Variants in CCDC122 observed in about 807,000 individuals in gnomAD.
The protein encoded by CCDC122 is coiled-coil domain-containing protein 122.
Under a neutral mutation model 37.0 loss-of-function variants are expected in CCDC122, and 38 were observed. The observed-to-expected ratio is 1.03, with a 90% CI of 0.79 to 1.35. CCDC122 has a LOEUF of 1.35. Among genes scored for constraint, CCDC122 ranks in the 40% most tolerant of loss-of-function variants. The probability of loss-of-function intolerance (pLI) is 0.00; values close to 1 mark genes in which losing one functional copy is unlikely to be tolerated. For missense variants in CCDC122, 305 were observed against 310.0 expected, an observed-to-expected ratio of 0.98 and a Z score of 0.12; for synonymous variants, 83 against 95.6, an observed-to-expected ratio of 0.87 and a Z score of 0.77.
chr13:43,839,448 T>C (rs572993983), intron 6 of CCDC122, among the ~76,000 whole-genome samples: 2 of 152,352 alleles, frequency 1.3e-5, no homozygotes, highest in East Asian at 3.9e-4. Flanking sequence ...TGCCAAATAA[T>C]AGCACATTAT....
At chr13:43,830,107 C>T (rs1199235731) in intron 3 of CCDC122, among the ~76,000 whole-genome samples, 3 of 152,056 alleles carry the variant, frequency 2.0e-5, no homozygotes, top group African/African-American at 7.2e-5. Flanking sequence ...AACTCCTGAC[C>T]TCAGGTGATC....
Position 43,837,213 on chromosome 13 carries a change from TTTC to T in CCDC122, c.*64_*66del. The T allele has an allele frequency of 6.9e-7, 1 of 1,449,654 alleles. No homozygotes were observed. The highest frequency in any genetic ancestry group is 1.3e-5 in the South Asian group (1 of 75,160). The allele number at this position is 1,449,654 out of a possible 1,614,324, so 89.8% of individuals were successfully genotyped here. On this transcript the variant is annotated 3_prime_UTR_variant, in exon 7 of 7. Transcript: ENST00000444614. ...GCTTGTTATTAAGAATCCAAAAGAT[TTTC>T]TTAATGTTCTGTCCAGTAATTTTTG...
chr13:43,872,349 G>A (rs1462942773), intron 2 of CCDC122, among the ~76,000 whole-genome samples: 3 of 152,018 alleles, frequency 2.0e-5, no homozygotes, highest in Admixed American at 6.6e-5. Context: ...TTATACTCAA[G>A]TAGCTGAATA....
intron 4 of CCDC122, among the ~76,000 whole-genome samples, chr13:43,862,965 CCTCCCT>C (rs1411045575): frequency 1.3e-5 from 2 of 151,494 alleles, no homozygotes; most frequent in African/African-American, 4.9e-5. Flanking sequence ...TGCCTCTTTT[CCTCCCT>C]CTTCCTCTTC....
chr13:43,860,133 T>C, intron 4 of CCDC122, 63 bp from the exon 5 acceptor site: 1 of 889,536 alleles, frequency 1.1e-6, no homozygotes. Context: ...GGAAAATCAA[T>C]GTTTTAATCC....
At chr13:43,831,563 A>T (rs1953089975), downstream of CCDC122, among the ~76,000 whole-genome samples, 1 of 152,178 alleles carries the variant, frequency 6.6e-6, no homozygotes, top group African/African-American at 2.4e-5. Context: ...GTCTTGGCTT[A>T]TTGATTTTGG....
At chr13:43,874,222 TG>T (rs913019598) in intron 2 of CCDC122, among the ~76,000 whole-genome samples, 7 of 152,226 alleles carry the variant, frequency 4.6e-5, no homozygotes, top group Middle Eastern at 3.2e-3. Context: ...ATTTCCAACC[TG>T]GGCCACAGAT....
chr13:43,839,478 T>G (rs907794955), intron 6 of CCDC122, among the ~76,000 whole-genome samples: 1 of 152,224 alleles, frequency 6.6e-6, no homozygotes, highest in Non-Finnish European at 1.5e-5. Context: ...CACATTTTAT[T>G]TATCCAGTTC....
chr13:43,841,796 G>A (rs1473380360), intron 6 of CCDC122, among the ~76,000 whole-genome samples: 2 of 151,994 alleles, frequency 1.3e-5, no homozygotes, highest in African/African-American at 4.8e-5. Flanking sequence ...CTACAGCCTC[G>A]ACCTCCTGGA....
intron 3 of CCDC122, chr13:43,824,114 A>C (rs1953017429): frequency 6.6e-6 from 1 of 152,258 alleles, no homozygotes; most frequent in Admixed American, 6.5e-5. Context: ...TGGAGGAGTC[A>C]GTTCAATATG....
chr13:43,823,343 G>T (rs1187572420), downstream of CCDC122, among the ~76,000 whole-genome samples: 1 of 151,992 alleles, frequency 6.6e-6, no homozygotes, highest in East Asian at 1.9e-4. Context: ...TTTACTCTTT[G>T]CTCTCCTTTC....
downstream of CCDC122, among the ~76,000 whole-genome samples, chr13:43,833,131 G>C (rs1953105657): frequency 6.6e-6 from 1 of 152,158 alleles, no homozygotes; most frequent in Non-Finnish European, 1.5e-5. Flanking sequence ...TGGTTTTTAA[G>C]ATATGGCTTA....
chr13:43,822,445 C>A (rs773120423), downstream of CCDC122, among the ~76,000 whole-genome samples: 7 of 152,364 alleles, frequency 4.6e-5, no homozygotes, highest in African/African-American at 1.7e-4. Flanking sequence ...ACCTGGCTAC[C>A]GCCTATGATC....
chr13:43,865,375 T>G (rs534172001), intron 4 of CCDC122, among the ~76,000 whole-genome samples: 15 of 152,086 alleles, frequency 9.9e-5, no homozygotes, highest in Non-Finnish European at 1.5e-4. Flanking sequence ...GTAGATACAG[T>G]ACTCCCTCCT....
At chr13:43,847,761 T>C (rs1953592202) in intron 6 of CCDC122, among the ~76,000 whole-genome samples, 1 of 152,180 alleles carries the variant, frequency 6.6e-6, no homozygotes, top group African/African-American at 2.4e-5. Context: ...TTTTTTCCCT[T>C]TGCTTCTCTG....
At chr13:43,851,697 T>C (rs1277347137) in intron 6 of CCDC122, among the ~76,000 whole-genome samples, 1 of 152,098 alleles carries the variant, frequency 6.6e-6, no homozygotes, top group Non-Finnish European at 1.5e-5. Flanking sequence ...ACTGAACACT[T>C]TGGCTGACAC....
intron 4 of CCDC122, among the ~76,000 whole-genome samples, chr13:43,861,480 T>G (rs961990319): frequency 1.3e-5 from 2 of 152,224 alleles, no homozygotes; most frequent in Non-Finnish European, 2.9e-5. Flanking sequence ...AGCTCTTCCC[T>G]TCTTTTAAAT....
rs894360697 is a variant in CCDC122, at chr13:43,868,853, C to T, written c.47-50G>A. ...TATATAATAAAAATTAAAATACAGC[C>T]ATTTTAAGAAAGTTATGTTTCTTTA... On this transcript the variant is annotated intron_variant, in intron 3 of 6. Coordinates refer to ENST00000444614, the MANE Select transcript of CCDC122 (RefSeq NM_144974.5). 3.0e-5 allele frequency: 24 copies of T among 791,216 alleles called. No homozygotes were observed. In the African/African-American group the frequency reaches 3.7e-4, roughly 12 times the overall value. 49.0% of individuals were successfully genotyped at this position (791,216 alleles called of 1,614,324 possible).
rs528342221 is a variant in CCDC122, at chr13:43,866,567, A to G, written c.156+2127T>C. On this transcript the variant is annotated intron_variant, in intron 4 of 6. Transcript: ENST00000444614. Reference sequence around the variant, plus strand: ...AATACTGAGTCTTCTGTTTCATAAAAATGATATACCTCTATATTTAAGTCT... The same window carrying G: ...AATACTGAGTCTTCTGTTTCATAAAGATGATATACCTCTATATTTAAGTCT... Among the ~76,000 whole-genome samples, 279 of 152,334 alleles carry G rather than the reference A, an allele frequency of 1.8e-3. 1 individual carries two copies. Among genetic ancestry groups the G allele is most frequent in the African/African-American group, 6.5e-3 (269 of 41,584 alleles).
Sources: gnomAD v4.1 joint callset for allele counts (sites outside exome capture counted in the v4.1 genomes callset) on GRCh38, gnomAD v4.1.1 for gene constraint, MANE v1.5 for transcripts, NCBI Gene and HGNC (gene_info 2026-07-23, HGNC 2026-07-21) for gene names.